Variants in RELCH observed in about 807,000 individuals in gnomAD.
The protein encoded by RELCH is RAB11 binding and LisH domain, coiled-coil and HEAT repeat containing.
RELCH carries 41 observed loss-of-function variants against 150.3 expected under a neutral mutation model. That is an observed-to-expected ratio of 0.27 (90% CI 0.21 to 0.35). The LOEUF is 0.35. Ranked by LOEUF, RELCH falls within the 10% of genes least tolerant of loss-of-function variation. RELCH has a pLI of 1.00. For synonymous variants in RELCH, 478 were observed against 531.8 expected, an observed-to-expected ratio of 0.90 and a Z score of 1.39; for missense variants, 1,092 against 1,467.8, an observed-to-expected ratio of 0.74 and a Z score of 4.18.
intron 16 of RELCH, among the ~76,000 whole-genome samples, chr18:62,262,414 A>G (rs1040085519): frequency 2.0e-5 from 3 of 152,222 alleles, no homozygotes; most frequent in Admixed American, 2.0e-4. Context: ...AAGAATTATA[A>G]CATTGAGAAC....
intron 5 of RELCH, among the ~76,000 whole-genome samples, chr18:62,222,193 C>G (rs190679765): frequency 6.6e-6 from 1 of 151,868 alleles, no homozygotes; most frequent in African/African-American, 2.4e-5. Context: ...TCCTATAGAT[C>G]CTTTAGCAAA....
intron 1 of RELCH, among the ~76,000 whole-genome samples, chr18:62,200,352 T>C (rs2039346292): frequency 6.6e-6 from 1 of 152,228 alleles, no homozygotes; most frequent in African/African-American, 2.4e-5. Context: ...TACTCCTCAC[T>C]ATGGCTTAGT....
chr18:62,287,777 C>T (rs922505483), intron 26 of RELCH, among the ~76,000 whole-genome samples: 1 of 152,136 alleles, frequency 6.6e-6, no homozygotes, highest in African/African-American at 2.4e-5. Flanking sequence ...GAAAGAATTA[C>T]AGCTGAGACT....
chr18:62,219,917 G>GA (rs1397579950), intron 2 of RELCH, among the ~76,000 whole-genome samples: 5 of 151,876 alleles, frequency 3.3e-5, no homozygotes, highest in Non-Finnish European at 7.4e-5. Flanking sequence ...AGTCAGTTAG[G>GA]AAAAAATTGC....
At chr18:62,290,653 A>G (rs1250181774) in intron 26 of RELCH, among the ~76,000 whole-genome samples, 1 of 152,228 alleles carries the variant, frequency 6.6e-6, no homozygotes, top group Non-Finnish European at 1.5e-5. Context: ...GGGAATGAAC[A>G]AGATGAATTG....
Position 62,287,360 on chromosome 18 carries a change from C to T in RELCH, c.3263C>T (p.Pro1088Leu). Reference sequence around the variant, plus strand: ...TTTTTTCTGTTTTCAGTTGTTATACCACATTTGCATAAGTTAGCCTTGGTG... The same window carrying T: ...TTTTTTCTGTTTTCAGTTGTTATACTACATTTGCATAAGTTAGCCTTGGTG... ...EPRFRDEFVIPHLHKLALVNN... is the reference protein window; with the variant it reads ...EPRFRDEFVILHLHKLALVNN... Residue 1088 changes from proline (P) to leucine (L), a missense_variant, in exon 26 of 29, where the codon CCA becomes CTA. Pro to Leu is a moderately conservative substitution (Grantham distance 98). Coordinates refer to ENST00000644646, the MANE Select transcript of RELCH (RefSeq NM_001346231.2). The T allele has an allele frequency of 6.4e-7, 1 of 1,573,390 alleles. No homozygotes were observed. Among genetic ancestry groups the T allele is most frequent in the South Asian group, 1.1e-5 (1 of 89,372 alleles).
At chr18:62,289,269 C>T (rs371163947) in intron 26 of RELCH, among the ~76,000 whole-genome samples, 1 of 152,156 alleles carries the variant, frequency 6.6e-6, no homozygotes. Flanking sequence ...TGAGTCAGAA[C>T]TTGTACTTGA....
At chr18:62,259,344 G>C (rs1458489855) in intron 15 of RELCH, among the ~76,000 whole-genome samples, 1 of 150,082 alleles carries the variant, frequency 6.7e-6, no homozygotes, top group Non-Finnish European at 1.5e-5. Context: ...TATGCCAACA[G>C]TGAATAAGCT....
At chr18:62,296,984 TAGAAGAAGCA>T (rs1266300519) in intron 27 of RELCH, among the ~76,000 whole-genome samples, 1 of 152,216 alleles carries the variant, frequency 6.6e-6, no homozygotes, top group African/African-American at 2.4e-5. Flanking sequence ...GGACAGAACT[TAGAAGAAGCA>T]AGCCTGTTTC....
In RELCH at chr18:62,187,881, C is replaced by T; in HGVS notation, c.376C>T (p.Arg126Trp). 5 of 1,593,990 alleles carry T rather than the reference C, an allele frequency of 3.1e-6. No homozygotes were observed. Among genetic ancestry groups the T allele is most frequent in the South Asian group, 1.1e-5 (1 of 88,458 alleles). ...ELLESGRELP[R>W]LRDYFSNPGN... ...GTTAGAGAGTGGCCGGGAGCTGCCT[C>T]GGCTGCGCGACTACTTCTCCAATCC... The change falls in exon 1 of 29, where the codon CGG becomes TGG. Residue 126 changes from arginine to tryptophan, a missense_variant. Around this residue, in one of 4 missense-constraint regions of RELCH, gnomAD observed 190 missense variants for 276.2 expected, o/e 0.69. Transcript: ENST00000644646.
At chr18:62,262,840 T>C (rs754261813) in intron 16 of RELCH, among the ~76,000 whole-genome samples, 4 of 151,774 alleles carry the variant, frequency 2.6e-5, no homozygotes, top group Non-Finnish European at 5.9e-5. Context: ...AAATTTATTA[T>C]CTCACACTTC....
At chr18:62,295,292 G>A (rs995805364) in intron 27 of RELCH, among the ~76,000 whole-genome samples, 8 of 148,192 alleles carry the variant, frequency 5.4e-5, no homozygotes, top group South Asian at 2.1e-4. Context: ...GACTACAGGC[G>A]TGAGCCACCA....
At chr18:62,229,628 A>G (rs2041446452) in intron 8 of RELCH, among the ~76,000 whole-genome samples, 1 of 151,986 alleles carries the variant, frequency 6.6e-6, no homozygotes, top group Non-Finnish European at 1.5e-5. Flanking sequence ...CTAAGGTATG[A>G]AAAGTAGTAT....
chr18:62,237,884 C>T (rs1027475197), intron 10 of RELCH, among the ~76,000 whole-genome samples: 7 of 151,282 alleles, frequency 4.6e-5, no homozygotes, highest in African/African-American at 7.3e-5. Flanking sequence ...ATAGAAAGCA[C>T]GATGAATATA....
intron 27 of RELCH, among the ~76,000 whole-genome samples, chr18:62,293,398 G>A (rs1425202558): frequency 1.3e-5 from 2 of 152,164 alleles, no homozygotes; most frequent in Non-Finnish European, 2.9e-5. Context: ...AGGGCAGGCT[G>A]ATAACTCAAG....
intron 1 of RELCH, among the ~76,000 whole-genome samples, chr18:62,209,647 C>CAA (rs35985070): frequency 0.16 from 23,794 of 144,918 alleles, 2,168 homozygotes; most frequent in African/African-American, 0.25. Context: ...TCAATTTCTG[C>CAA]AAAAAAAAAA....
rs576939783 is a variant in RELCH, at chr18:62,271,764, A to G, written c.2761-2216A>G. ...TAATGCATCTTGACTTAATTTTTGT[A>G]TAAGGTGTAAGGAAGGGATCCAGTT... On this transcript the variant is annotated intron_variant, in intron 20 of 28. Coordinates refer to ENST00000644646, the MANE Select transcript of RELCH (RefSeq NM_001346231.2). Among the ~76,000 whole-genome samples the G allele has an allele frequency of 2.1e-4, 32 of 152,242 alleles. 1 individual carries two copies. The highest frequency in any genetic ancestry group is 1.7e-3 in the East Asian group (9 of 5,184).
chr18:62,190,091 G>A (rs2038510558), intron 1 of RELCH, among the ~76,000 whole-genome samples: 1 of 152,210 alleles, frequency 6.6e-6, no homozygotes, highest in Non-Finnish European at 1.5e-5. Context: ...TTTAATGGTA[G>A]TTGCCTTACC....
Position 62,287,394 on chromosome 18 carries a change from A to G in RELCH, c.3297A>G (p.Leu1099=), listed in dbSNP as rs1334239116. ...ATAAGTTAGCCTTGGTGAACAACTT[A>G]CAGATTGTGGATTCTAAAAGACTGG... ...HLHKLALVNN[L]QIVDSKRLDI... The change falls in exon 26 of 29, where the codon TTA becomes TTG. Residue 1099 remains leucine, a synonymous_variant. Coordinates refer to ENST00000644646, the MANE Select transcript of RELCH (RefSeq NM_001346231.2). 6.2e-7 allele frequency: 1 copy of G among 1,610,234 alleles called. No individual in the cohort carries two copies. The highest frequency in any genetic ancestry group is 8.5e-7 in the Non-Finnish European group (1 of 1,177,382).
Sources: gnomAD v4.1 joint callset for allele counts (sites outside exome capture counted in the v4.1 genomes callset) on GRCh38, gnomAD v4.1.1 for gene constraint, gnomAD v4.1.1 regional missense constraint, MANE v1.5 for transcripts, NCBI Gene and HGNC (gene_info 2026-07-23, HGNC 2026-07-21) for gene names.